FMN2: variants seen among roughly 807,000 people sequenced by gnomAD.
FMN2 encodes formin 2, also known as formin-2.
Under a neutral mutation model 142.3 loss-of-function variants are expected in FMN2, and 51 were observed. That is an observed-to-expected ratio of 0.36 (90% confidence interval 0.29 to 0.45). The LOEUF is 0.45. FMN2 is among the 20% of genes least tolerant of loss of function. The pLI is 1.00. For synonymous variants in FMN2, 882 were observed against 869.8 expected, an observed-to-expected ratio of 1.01 and a Z score of -0.25; for missense variants, 1,936 against 2,122.8, an observed-to-expected ratio of 0.91 and a Z score of 1.73.
chr1:240,428,852 A>G (rs577745621), intron 15 of FMN2, among the ~76,000 whole-genome samples: 3 of 152,308 alleles, frequency 2.0e-5, no homozygotes, highest in East Asian at 1.9e-4. Flanking sequence ...TTTCCTGTCA[A>G]ACTAACATTT....
At chr1:240,235,835 T>C (rs1276590603) in intron 6 of FMN2, 1 of 152,242 alleles carries the variant, frequency 6.6e-6, no homozygotes, top group Non-Finnish European at 1.5e-5. Context: ...ATCTCCCCTC[T>C]TCTTCCTCTG....
At chr1:240,332,543 AAG>A (rs1040664718) in intron 11 of FMN2, among the ~76,000 whole-genome samples, 2 of 152,188 alleles carry the variant, frequency 1.3e-5, no homozygotes, top group African/African-American at 4.8e-5. Context: ...ATATATAAAT[AAG>A]AGATTATTTG....
At chr1:240,198,986 T>A (rs755705592) in intron 4 of FMN2, among the ~76,000 whole-genome samples, 1 of 152,016 alleles carries the variant, frequency 6.6e-6, no homozygotes, top group Non-Finnish European at 1.5e-5. Flanking sequence ...GTGCCTGTAG[T>A]CCCAGCTACT....
intron 1 of FMN2, among the ~76,000 whole-genome samples, chr1:240,122,369 C>G (rs117152728): frequency 6.6e-6 from 1 of 152,040 alleles, no homozygotes; most frequent in Non-Finnish European, 1.5e-5. Context: ...CTTCAAGCTC[C>G]GCCACCCAGG....
At chr1:240,335,372 A>G (rs548391772) in intron 13 of FMN2, among the ~76,000 whole-genome samples, 2 of 152,244 alleles carry the variant, frequency 1.3e-5, no homozygotes, top group East Asian at 3.9e-4. Context: ...AATAAATAAA[A>G]CTATGTTACA....
intron 16 of FMN2, among the ~76,000 whole-genome samples, chr1:240,449,358 G>T (rs1321581266): frequency 6.6e-6 from 1 of 152,062 alleles, no homozygotes; most frequent in Non-Finnish European, 1.5e-5. Context: ...CCAAGTCACC[G>T]CTCAGGCTTT....
At chr1:240,417,235 C>T (rs1190994746) in intron 15 of FMN2, among the ~76,000 whole-genome samples, 1 of 150,498 alleles carries the variant, frequency 6.6e-6, no homozygotes, top group African/African-American at 2.5e-5. Context: ...TATATATTCT[C>T]ATCCGCATAT....
At chr1:240,294,478 A>T (rs1669899751) in intron 7 of FMN2, among the ~76,000 whole-genome samples, 1 of 152,356 alleles carries the variant, frequency 6.6e-6, no homozygotes, top group East Asian at 1.9e-4. Context: ...TAAAACTGGG[A>T]TGTAGCATTC....
At chr1:240,270,668 G>A (rs1240724451) in intron 7 of FMN2, among the ~76,000 whole-genome samples, 1 of 151,836 alleles carries the variant, frequency 6.6e-6, no homozygotes, top group Non-Finnish European at 1.5e-5. Flanking sequence ...TAAAAAACTA[G>A]GTAATTCTGT....
In FMN2 at chr1:240,116,359, C is replaced by A. The variant is rs142424924; in HGVS notation, c.1616-6820C>A. Reference sequence around the variant, plus strand: ...AAGAATGGGGTATTTAGAGACTGGGCGAGATTATGGGAGAGAATATAGAAA... The same window carrying A: ...AAGAATGGGGTATTTAGAGACTGGGAGAGATTATGGGAGAGAATATAGAAA... On this transcript the variant is annotated intron_variant, in intron 1 of 17. Transcript: ENST00000319653. 1.0e-3 allele frequency among the ~76,000 whole-genome samples: 157 copies of A among 151,920 alleles called. 4 individuals carry two copies. In the East Asian group the frequency reaches 0.026, roughly 25 times the overall value.
At chr1:240,367,612 T>TA (rs1294771178) in intron 14 of FMN2, among the ~76,000 whole-genome samples, 1 of 151,240 alleles carries the variant, frequency 6.6e-6, no homozygotes, top group Non-Finnish European at 1.5e-5. Context: ...ACTAAAAATA[T>TA]AAAAAATAAG....
At chr1:240,147,581 T>C (rs79084831) in intron 2 of FMN2, among the ~76,000 whole-genome samples, 69,152 of 151,372 alleles carry the variant, frequency 0.46, 16,960 homozygotes, top group South Asian at 0.65. Context: ...CAGCCTGGAA[T>C]CCCTGCACTC....
rs750750856 is a variant in FMN2, at chr1:240,093,327, C to T, written c.1218C>T (p.Arg406=). The change falls in exon 1 of 18, where the codon CGC becomes CGT. Residue 406 remains arginine, a synonymous_variant. Transcript: ENST00000319653. ...CCGGCAGCCCCGCGCCTAGCCAGCGCTGTTTCAAGCCCTACCCGCTCATCA... is the reference window on the plus strand; with the variant it reads ...CCGGCAGCCCCGCGCCTAGCCAGCGTTGTTTCAAGCCCTACCCGCTCATCA... The part of the protein sequence containing the change: ...SLPGSPAPSQ[R]CFKPYPLITP... The T allele has an allele frequency of 2.2e-5, 35 of 1,612,106 alleles. No individual in the cohort carries two copies. Among genetic ancestry groups the T allele is most frequent in the Non-Finnish European group, 2.9e-5 (34 of 1,179,252 alleles).
intron 13 of FMN2, among the ~76,000 whole-genome samples, chr1:240,344,329 A>G (rs1572213652): frequency 1.3e-5 from 2 of 152,322 alleles, no homozygotes; most frequent in African/African-American, 4.8e-5. Context: ...GTGTCATTCC[A>G]TGATTTCCTT....
rs35655150 is a variant in FMN2, at chr1:240,259,487, C to CTTTTTT, written c.4153+1468_4153+1473dup. On this transcript the variant is annotated intron_variant, in intron 7 of 17. Transcript: ENST00000319653. ...TTTAGTCCCTTTGAAACCCTGTACA[C>CTTTTTT]TTTTTTTTTTTTTTTTTTAATATGG... Among the ~76,000 whole-genome samples, 1,172 of 134,238 alleles carry CTTTTTT rather than the reference C, an allele frequency of 8.7e-3. 37 individuals carry two copies. Among genetic ancestry groups the CTTTTTT allele is most frequent in the African/African-American group, 0.03 (1,070 of 35,732 alleles). 88.1% of individuals were successfully genotyped at this position (134,238 alleles called of 152,430 possible).
rs184123699 is a variant in FMN2 at position 240,135,351 on chromosome 1, A to G, written c.1782+12006A>G. 1.7e-3 allele frequency among the ~76,000 whole-genome samples: 257 copies of G among 152,274 alleles called. 1 individual carries two copies. The highest frequency in any genetic ancestry group is 5.9e-3 in the African/African-American group (246 of 41,566). Reference sequence around the variant, plus strand: ...TAAATAGGAAGAAATCTGCTTACTGAGTTTTCTGTAAGGGATATTTTCCAA... The same window carrying G: ...TAAATAGGAAGAAATCTGCTTACTGGGTTTTCTGTAAGGGATATTTTCCAA... On this transcript the variant is annotated intron_variant, in intron 2 of 17. Coordinates refer to ENST00000319653, the MANE Select transcript of FMN2 (RefSeq NM_020066.5).
intron 2 of FMN2, among the ~76,000 whole-genome samples, chr1:240,151,845 C>A (rs535275992): frequency 6.6e-6 from 1 of 152,228 alleles, no homozygotes; most frequent in South Asian, 2.1e-4. Flanking sequence ...TAGCTCACTG[C>A]AGCCACAAAC....
At chr1:240,399,587 G>C (rs904750744) in intron 15 of FMN2, among the ~76,000 whole-genome samples, 19 of 152,240 alleles carry the variant, frequency 1.2e-4, no homozygotes, top group African/African-American at 4.3e-4. Context: ...TGAGGTTATG[G>C]CTTCTCACTG....
intron 8 of FMN2, among the ~76,000 whole-genome samples, chr1:240,295,105 G>A (rs1236028365): frequency 6.6e-6 from 1 of 151,962 alleles, no homozygotes; most frequent in Non-Finnish European, 1.5e-5. Context: ...TATTGCATAT[G>A]AGGTCATTCA....
Sources: allele counts gnomAD v4.1 joint callset (sites outside exome capture counted in the v4.1 genomes callset), GRCh38; gene constraint gnomAD v4.1.1; transcripts MANE v1.5; gene names NCBI Gene and HGNC (gene_info 2026-07-23, HGNC 2026-07-21).